Variants in ELF4 observed in about 807,000 individuals in gnomAD.
The protein encoded by ELF4 is ETS-related transcription factor Elf-4.
ELF4 carries 10 observed loss-of-function variants against 31.7 expected under a neutral mutation model. The observed-to-expected ratio is 0.32, with a 90% CI of 0.19 to 0.54. The LOEUF (loss-of-function observed/expected upper bound fraction) is 0.54. ELF4 is among the 20% of genes least tolerant of loss of function. ELF4 has a pLI of 0.95. For synonymous variants in ELF4, 208 were observed against 226.7 expected (o/e 0.92, Z 0.74); for missense variants, 418 against 522.0 (o/e 0.80, Z 1.94).
chrX:130,081,198 T>G (rs958010326), intron 2 of ELF4, 58 bp downstream of exon 2: 4 of 1,169,098 alleles, frequency 3.4e-6, no homozygotes, highest in African/African-American at 1.8e-5. Context: ...TGCCTGGCTG[T>G]CTGTGTCTAT....
chrX:130,102,546 G>A, intron 1 of ELF4, among the ~76,000 whole-genome samples: 1 of 110,868 alleles, frequency 9.0e-6, no homozygotes, highest in East Asian at 2.8e-4. Flanking sequence ...GGGTGCAGTG[G>A]CTCACGCCTG....
chrX:130,098,098 T>A (rs209991), intron 1 of ELF4, among the ~76,000 whole-genome samples: 2 of 110,994 alleles, frequency 1.8e-5, no homozygotes, highest in African/African-American at 3.3e-5. Flanking sequence ...TCCCGCAGCC[T>A]GGAGCCCCCC....
intron 1 of ELF4, among the ~76,000 whole-genome samples, chrX:130,088,109 C>G (rs933404053): frequency 9.0e-6 from 1 of 110,914 alleles, no homozygotes; most frequent in African/African-American, 3.3e-5. Context: ...GCAGTTTGGT[C>G]TGGGTATAAG....
At chrX:130,075,401 C>T (rs1173486194) in intron 2 of ELF4, among the ~76,000 whole-genome samples, 2 of 110,159 alleles carry the variant, frequency 1.8e-5, no homozygotes, top group East Asian at 5.7e-4. Context: ...CTCAGCCTCC[C>T]GAGTAGCTGG....
chrX:130,109,812 G>A (rs1933443380), intron 1 of ELF4, among the ~76,000 whole-genome samples: 1 of 113,061 alleles, frequency 8.8e-6, no homozygotes, highest in Admixed American at 9.2e-5. Context: ...GGAGCGGGAA[G>A]GCTGGCGGCT....
At chrX:130,104,277 TAC>T (rs61193112) in intron 1 of ELF4, among the ~76,000 whole-genome samples, 6,163 of 86,213 alleles carry the variant, frequency 0.071, 260 homozygotes, top group African/African-American at 0.15. Context: ...TTCAGTATAT[TAC>T]ACACACACAC....
In ELF4 at chrX:130,093,306, G is replaced by GA. The variant is rs5903792; in HGVS notation, c.-209-11768dup. ...GGTGACAGAGCAAAACTCTGTCTCA[G>GA]AAAAAAAAAAAAAAAATCCACATAT... On this transcript the variant is annotated intron_variant, in intron 1 of 8. Transcript: ENST00000308167. 7.1e-3 allele frequency among the ~76,000 whole-genome samples: 636 copies of GA among 90,127 alleles called. 7 individuals carry two copies. The highest frequency in any genetic ancestry group is 0.023 in the Middle Eastern group (4 of 173). 78.3% of individuals were successfully genotyped at this position (90,127 alleles called of 115,157 possible).
At chrX:130,071,944 C>T (rs765854407) in intron 5 of ELF4, among the ~76,000 whole-genome samples, 9 of 112,428 alleles carry the variant, frequency 8.0e-5, no homozygotes, top group African/African-American at 2.6e-4. Flanking sequence ...GCCAGGGGGC[C>T]GAGCCTGGTG....
At chrX:130,073,120 C>A (rs750663789) in intron 4 of ELF4, among the ~76,000 whole-genome samples, 1 of 112,364 alleles carries the variant, frequency 8.9e-6, no homozygotes, top group South Asian at 3.6e-4. Context: ...GACAGTCTTG[C>A]TCTTGTTGCC....
In ELF4 at chrX:130,064,005, A is replaced by ATTATTAT. The variant is rs1314805728; in HGVS notation, c.*2709_*2715dup. Among the ~76,000 whole-genome samples, 22 of 104,535 alleles carry ATTATTAT rather than the reference A, an allele frequency of 2.1e-4. No individual in the cohort carries two copies. The East Asian group carries it at 5.9e-3, about 28-fold the overall frequency. The allele number at this position is 104,535 out of a possible 115,157, so 90.8% of individuals were successfully genotyped here. A position where few individuals can be genotyped will look rare whatever the true frequency, so the allele number is the denominator to read the frequency against. Reference sequence around the variant, plus strand: ...TATTATTATTATTATTATTATTATTATTATTATACTTTAAGTTCTGGGATA... The same window carrying ATTATTAT: ...TATTATTATTATTATTATTATTATTATTATTATTTATTATACTTTAAGTTCTGGGATA... On this transcript the variant is annotated 3_prime_UTR_variant, in exon 9 of 9. Coordinates refer to ENST00000308167, the MANE Select transcript of ELF4 (RefSeq NM_001421.4).
intron 1 of ELF4, among the ~76,000 whole-genome samples, chrX:130,081,997 G>A (rs1042801224): frequency 8.9e-6 from 1 of 111,861 alleles, no homozygotes; most frequent in Non-Finnish European, 1.9e-5. Flanking sequence ...TTGGCTTGGG[G>A]AAGAATCGTG....
chrX:130,076,359 C>T (rs1932834839), intron 2 of ELF4, among the ~76,000 whole-genome samples: 1 of 110,282 alleles, frequency 9.1e-6, no homozygotes, highest in Admixed American at 9.7e-5. Context: ...GACCCTATCT[C>T]TATTTAAAAA....
intron 7 of ELF4, among the ~76,000 whole-genome samples, chrX:130,070,771 CAAAA>C (rs748643492): frequency 5.0e-4 from 12 of 24,031 alleles, no homozygotes; most frequent in Admixed American, 2.2e-3. Context: ...GACTCCATCT[CAAAA>C]AAAAAAAAAA....
intron 1 of ELF4, 27 bp from the exon 2 acceptor site, chrX:130,081,566 G>A (rs1046675309): frequency 6.4e-5 from 28 of 435,549 alleles, no homozygotes; most frequent in Non-Finnish European, 6.9e-5. Context: ...GATGGGGACA[G>A]TGAGTAAGTC....
chrX:130,075,189 G>A (rs898189709), intron 2 of ELF4, among the ~76,000 whole-genome samples: 5 of 110,630 alleles, frequency 4.5e-5, no homozygotes, highest in Non-Finnish European at 7.6e-5. Flanking sequence ...GGCTGGTCTC[G>A]AACTCCTGAC....
chrX:130,095,560 G>A (rs1014518049), intron 1 of ELF4, among the ~76,000 whole-genome samples: 16 of 111,681 alleles, frequency 1.4e-4, no homozygotes, highest in African/African-American at 4.2e-4. Flanking sequence ...CGCTTCAACA[G>A]AGGCTTCCCA....
chrX:130,075,646 T>C (rs1932828278), intron 2 of ELF4, among the ~76,000 whole-genome samples: 1 of 111,537 alleles, frequency 9.0e-6, no homozygotes. Flanking sequence ...TCTATGAGGA[T>C]TAGATTCATT....
intron 1 of ELF4, among the ~76,000 whole-genome samples, chrX:130,089,495 G>A (rs1232125346): frequency 1.4e-5 from 1 of 68,995 alleles, no homozygotes; most frequent in South Asian, 1.3e-3. Context: ...GGCAACAAGA[G>A]TGAGACCTCA....
rs1160541412 is a variant in ELF4 at position 130,064,176 on chromosome X, G to A, written c.*2545C>T. On this transcript the variant is annotated 3_prime_UTR_variant, in exon 9 of 9. Coordinates refer to ENST00000308167, the MANE Select transcript of ELF4 (RefSeq NM_001421.4). Reference sequence around the variant, plus strand: ...TTGTTGGCCAGCCGTGGTTGCTCACGCCTGTAATCCCAGCACTTTGGGAGG... The same window carrying A: ...TTGTTGGCCAGCCGTGGTTGCTCACACCTGTAATCCCAGCACTTTGGGAGG... Among the ~76,000 whole-genome samples, 3 of 110,720 alleles carry A rather than the reference G, an allele frequency of 2.7e-5. No homozygotes were observed. Among genetic ancestry groups the A allele is most frequent in the Non-Finnish European group, 3.8e-5 (2 of 52,931 alleles).
Sources: allele counts gnomAD v4.1 joint callset (sites outside exome capture counted in the v4.1 genomes callset), GRCh38; gene constraint gnomAD v4.1.1; transcripts MANE v1.5; gene names NCBI Gene and HGNC (gene_info 2026-07-23, HGNC 2026-07-21).